GPR63: variants seen among roughly 807,000 people sequenced by gnomAD.
GPR63 encodes the protein G protein-coupled receptor 63.
A neutral mutation model predicts 23.1 loss-of-function variants in GPR63; 12 were observed. That is an observed-to-expected ratio of 0.52 (90% CI 0.33 to 0.84). The LOEUF is 0.84. GPR63 is among the 40% of genes least tolerant of loss of function. GPR63 has a pLI of 0.02. For synonymous variants in GPR63, 172 were observed against 191.1 expected, an observed-to-expected ratio of 0.90 and a Z score of 0.82; for missense variants, 472 against 515.6, an observed-to-expected ratio of 0.92 and a Z score of 0.82.
At chr6:96,819,752 A>G (rs118089706) in intron 1 of GPR63, among the ~76,000 whole-genome samples, 4,914 of 151,734 alleles carry the variant, frequency 0.032, 127 homozygotes, top group Middle Eastern at 0.068. Context: ...ACAAAAAAAA[A>G]CGGGTAGATC....
chr6:96,820,967 G>A (rs996670753), intron 1 of GPR63, among the ~76,000 whole-genome samples: 3 of 152,132 alleles, frequency 2.0e-5, no homozygotes, highest in African/African-American at 7.2e-5. Flanking sequence ...TCTTTGGAGG[G>A]AATAAAAAGT....
At chr6:96,820,478 T>C (rs1774286305) in intron 1 of GPR63, among the ~76,000 whole-genome samples, 1 of 152,206 alleles carries the variant, frequency 6.6e-6, no homozygotes, top group South Asian at 2.1e-4. Context: ...TACTTTTAAG[T>C]GTACCCCATA....
chr6:96,836,184 C>T (rs1395662196), intron 1 of GPR63, among the ~76,000 whole-genome samples: 1 of 151,806 alleles, frequency 6.6e-6, no homozygotes, highest in Non-Finnish European at 1.5e-5. Flanking sequence ...CCACGGGACA[C>T]GTGGGAAAAA....
intron 1 of GPR63, among the ~76,000 whole-genome samples, chr6:96,819,354 T>C (rs550982297): frequency 2.6e-5 from 4 of 152,066 alleles, no homozygotes; most frequent in Non-Finnish European, 4.4e-5. Context: ...AATGAATGAG[T>C]TTATGTCCTT....
intron 1 of GPR63, among the ~76,000 whole-genome samples, chr6:96,812,032 G>A (rs1403293200): frequency 6.6e-6 from 1 of 151,890 alleles, no homozygotes; most frequent in Non-Finnish European, 1.5e-5. Flanking sequence ...TAGAGTCAAA[G>A]GAAGCTTTGA....
intron 1 of GPR63, among the ~76,000 whole-genome samples, chr6:96,809,855 A>G (rs906007312): frequency 1.6e-4 from 25 of 152,354 alleles, no homozygotes; most frequent in African/African-American, 6.0e-4. Flanking sequence ...TCAAAGATGC[A>G]GATATAAAAC....
Position 96,799,848 on chromosome 6 carries a change from C to T in GPR63, c.-117G>A. The T allele has an allele frequency of 2.0e-6, 2 of 978,636 alleles. No homozygotes were observed. The highest frequency in any genetic ancestry group is 3.2e-6 in the Non-Finnish European group (2 of 625,220). The allele number at this position is 978,636 out of a possible 1,614,324, so 60.6% of individuals were successfully genotyped here. A position where few individuals can be genotyped will look rare whatever the true frequency, so the allele number is the denominator to read the frequency against. Reference sequence around the variant, plus strand: ...TTGGAAATACATTCTGGAAAATGGACAATGAGTTCCATCTTCCACAAGAGT... The same window carrying T: ...TTGGAAATACATTCTGGAAAATGGATAATGAGTTCCATCTTCCACAAGAGT... On this transcript the variant is annotated 5_prime_UTR_variant, in exon 2 of 2. Transcript: ENST00000229955.
chr6:96,819,500 C>T (rs757867808), intron 1 of GPR63, among the ~76,000 whole-genome samples: 5 of 151,844 alleles, frequency 3.3e-5, no homozygotes, highest in Non-Finnish European at 7.4e-5. Flanking sequence ...GGGAACATCA[C>T]ACACTGGGGC....
intron 1 of GPR63, among the ~76,000 whole-genome samples, chr6:96,811,189 T>A (rs1774034554): frequency 1.3e-5 from 2 of 152,154 alleles, no homozygotes; most frequent in African/African-American, 2.4e-5. Context: ...TGGCCTTGAT[T>A]CCACTGATCC....
intron 1 of GPR63, among the ~76,000 whole-genome samples, chr6:96,811,205 T>A (rs1325685905): frequency 6.6e-6 from 1 of 152,198 alleles, no homozygotes; most frequent in Non-Finnish European, 1.5e-5. Flanking sequence ...GATCCCAGGA[T>A]GCTGGGAAGA....
chr6:96,799,276 G>C lies in GPR63; in HGVS notation c.456C>G (p.Phe152Leu). Residue 152 changes from phenylalanine to leucine, a missense_variant, in exon 2 of 2, where the codon TTC (phenylalanine) becomes TTG (leucine). By Grantham distance (22) the Phe-to-Leu change is conservative (BLOSUM62 0). Transcript: ENST00000229955. ...AAAACATAGCAGATACCCTACAGAA[G>C]AATTTCCCAAAAATCCATCGGGTAG... ...ILTTRWIFGK[F>L]FCRVSAMFFW... is the part of the protein sequence containing the mutation. The C allele has an allele frequency of 6.2e-7, 1 of 1,614,038 alleles. No individual in the cohort carries two copies.
At chr6:96,836,509 T>A (rs1180200197) in intron 1 of GPR63, among the ~76,000 whole-genome samples, 1 of 152,164 alleles carries the variant, frequency 6.6e-6, no homozygotes, top group Admixed American at 6.5e-5. Flanking sequence ...ATTCCCTAAG[T>A]GTCGAGACTC....
chr6:96,833,336 T>C (rs1484058644), intron 1 of GPR63, among the ~76,000 whole-genome samples: 2 of 152,226 alleles, frequency 1.3e-5, no homozygotes, highest in Non-Finnish European at 2.9e-5. Context: ...ATACATGGGA[T>C]AGATTTAATT....
intron 1 of GPR63, among the ~76,000 whole-genome samples, chr6:96,829,232 C>A (rs1774519760): frequency 6.6e-6 from 1 of 152,170 alleles, no homozygotes; most frequent in African/African-American, 2.4e-5. Context: ...AGAACACCTG[C>A]CATTGTCCAT....
chr6:96,830,813 C>T (rs571686279), intron 1 of GPR63, among the ~76,000 whole-genome samples: 1 of 152,314 alleles, frequency 6.6e-6, no homozygotes, highest in African/African-American at 2.4e-5. Context: ...CTTTTCCTGA[C>T]TTTTGCTCAT....
chr6:96,827,832 A>G (rs1774481939), intron 1 of GPR63, among the ~76,000 whole-genome samples: 1 of 152,142 alleles, frequency 6.6e-6, no homozygotes, highest in Non-Finnish European at 1.5e-5. Flanking sequence ...TCTCTCTTTC[A>G]CACATACACA....
intron 1 of GPR63, among the ~76,000 whole-genome samples, chr6:96,831,620 G>A (rs972299344): frequency 1.3e-5 from 2 of 152,078 alleles, no homozygotes; most frequent in African/African-American, 4.8e-5. Flanking sequence ...TAAAAATTGA[G>A]CTATAGCCAG....
intron 1 of GPR63, among the ~76,000 whole-genome samples, chr6:96,833,718 T>C (rs9481030): frequency 0.027 from 4,114 of 152,280 alleles, 183 homozygotes; most frequent in African/African-American, 0.093. Flanking sequence ...ATAACTATAA[T>C]AACACATAAA....
At chr6:96,833,234 T>C (rs967430388) in intron 1 of GPR63, among the ~76,000 whole-genome samples, 1 of 152,172 alleles carries the variant, frequency 6.6e-6, no homozygotes, top group Non-Finnish European at 1.5e-5. Flanking sequence ...ATGTTATGCC[T>C]ACACCCCAAC....
Sources: allele counts gnomAD v4.1 joint callset (sites outside exome capture counted in the v4.1 genomes callset), GRCh38; gene constraint gnomAD v4.1.1; transcripts MANE v1.5; gene names NCBI Gene and HGNC (gene_info 2026-07-23, HGNC 2026-07-21).